The following DAB1 variants were observed in gnomAD, a reference collection of about 807,000 sequenced individuals.
The protein encoded by DAB1 is disabled homolog 1.
DAB1 carries 15 observed loss-of-function variants against 64.6 expected under a neutral mutation model. That is an observed-to-expected ratio of 0.23 (90% CI 0.16 to 0.36). DAB1 has a LOEUF of 0.36. Among genes scored for constraint, DAB1 ranks in the 10% least tolerant of loss-of-function variants. DAB1 has a pLI of 1.00. For synonymous variants in DAB1, 235 were observed against 251.9 expected (o/e 0.93, Z 0.64); for missense variants, 596 against 706.7 (o/e 0.84, Z 1.78).
chr1:58,538,789 T>C (rs1646558548), intron 1 of DAB1: 1 of 759,860 alleles, frequency 1.3e-6, no homozygotes, highest in South Asian at 1.8e-5. Context: ...TAAAAAAGCA[T>C]TTTACCTGCC....
intron 6 of DAB1, among the ~76,000 whole-genome samples, chr1:57,757,383 G>C (rs528938102): frequency 3.3e-5 from 5 of 152,066 alleles, no homozygotes; most frequent in Non-Finnish European, 7.4e-5. Flanking sequence ...GAAAGTTGCT[G>C]TCTTATAGTT....
chr1:57,959,619 C>T (rs115690158), intron 5 of DAB1, among the ~76,000 whole-genome samples: 216 of 152,166 alleles, frequency 1.4e-3, no homozygotes, highest in Non-Finnish European at 2.4e-3. Flanking sequence ...TTTTCTTTTA[C>T]TTTTTTAAAT....
chr1:57,626,395 G>A (rs1355092397), intron 7 of DAB1, among the ~76,000 whole-genome samples: 2 of 152,172 alleles, frequency 1.3e-5, no homozygotes, highest in Non-Finnish European at 2.9e-5. Context: ...ACAGAGGATG[G>A]TTGTGGTAAT....
At chr1:58,444,228 C>T (rs957522719) in intron 3 of DAB1, among the ~76,000 whole-genome samples, 1 of 152,166 alleles carries the variant, frequency 6.6e-6, no homozygotes, top group Admixed American at 6.5e-5. Flanking sequence ...TCATACTATG[C>T]TAGAGAACAA....
At chr1:58,189,460 C>G (rs891853212) in intron 4 of DAB1, among the ~76,000 whole-genome samples, 1 of 152,176 alleles carries the variant, frequency 6.6e-6, no homozygotes, top group Non-Finnish European at 1.5e-5. Context: ...ACAAGTTTCT[C>G]AAAGTACATT....
chr1:57,099,225 G>T (rs1004055633), intron 4 of DAB1, among the ~76,000 whole-genome samples: 1 of 152,210 alleles, frequency 6.6e-6, no homozygotes, highest in Non-Finnish European at 1.5e-5. Flanking sequence ...GTGTTTATAA[G>T]ACAAAATACT....
intron 5 of DAB1, among the ~76,000 whole-genome samples, chr1:58,138,106 A>G (rs1654050132): frequency 6.6e-6 from 1 of 152,216 alleles, no homozygotes; most frequent in Non-Finnish European, 1.5e-5. Flanking sequence ...TTATCCACTC[A>G]CAAGTATTTG....
intron 7 of DAB1, among the ~76,000 whole-genome samples, chr1:57,434,662 C>T (rs1685625180): frequency 6.6e-6 from 1 of 152,166 alleles, no homozygotes; most frequent in African/African-American, 2.4e-5. Flanking sequence ...AGTATACATA[C>T]ACAAACCCAG....
chr1:58,085,470 C>A (rs1650245431), intron 5 of DAB1, among the ~76,000 whole-genome samples: 1 of 152,042 alleles, frequency 6.6e-6, no homozygotes, highest in Non-Finnish European at 1.5e-5. Flanking sequence ...TGGGCTCAAA[C>A]AATCCTCCTG....
At chr1:57,753,359 CT>C (rs1206165269) in intron 6 of DAB1, among the ~76,000 whole-genome samples, 4 of 152,150 alleles carry the variant, frequency 2.6e-5, no homozygotes, top group Admixed American at 6.5e-5. Flanking sequence ...CTGTAGACTT[CT>C]GGCAGTGAGC....
chr1:57,990,613 A>T (rs1477280528), intron 5 of DAB1, among the ~76,000 whole-genome samples: 2 of 152,168 alleles, frequency 1.3e-5, no homozygotes, highest in Non-Finnish European at 2.9e-5. Context: ...TTCTGTCCAC[A>T]AGGCCTGTTG....
At chr1:57,996,694 C>A (rs1285451674) in intron 5 of DAB1, among the ~76,000 whole-genome samples, 1 of 152,184 alleles carries the variant, frequency 6.6e-6, no homozygotes, top group Non-Finnish European at 1.5e-5. Context: ...TCTAGCTCTG[C>A]ATAGATGTCA....
At chr1:58,008,494 A>G (rs550517986) in intron 5 of DAB1, among the ~76,000 whole-genome samples, 41 of 152,244 alleles carry the variant, frequency 2.7e-4, no homozygotes, top group African/African-American at 9.6e-4. Flanking sequence ...ATTAACATTA[A>G]AAAGGACATT....
intron 3 of DAB1, among the ~76,000 whole-genome samples, chr1:58,425,542 G>C (rs1409759841): frequency 6.6e-6 from 1 of 152,190 alleles, no homozygotes; most frequent in Non-Finnish European, 1.5e-5. Flanking sequence ...ACAGTAACTA[G>C]AGCCTTTAGG....
intron 2 of DAB1, among the ~76,000 whole-genome samples, chr1:57,195,683 T>A (rs1243406596): frequency 6.6e-6 from 1 of 152,226 alleles, no homozygotes; most frequent in African/African-American, 2.4e-5. Context: ...CCAGCCTTCA[T>A]TAAAGCATCT....
intron 2 of DAB1, among the ~76,000 whole-genome samples, chr1:57,174,501 A>G (rs926780519): frequency 6.6e-6 from 1 of 152,178 alleles, no homozygotes; most frequent in Non-Finnish European, 1.5e-5. Context: ...ACAATAATGT[A>G]TTGATTGGAT....
At chr1:58,287,462 C>G (rs1378331374) in intron 4 of DAB1, among the ~76,000 whole-genome samples, 1 of 152,140 alleles carries the variant, frequency 6.6e-6, no homozygotes, top group Non-Finnish European at 1.5e-5. Context: ...CCAGAGTCAC[C>G]TGAAGACTAC....
intron 4 of DAB1, among the ~76,000 whole-genome samples, chr1:58,330,174 C>T (rs1181376043): frequency 6.6e-6 from 1 of 152,182 alleles, no homozygotes; most frequent in African/African-American, 2.4e-5. Flanking sequence ...AGTGAGACAG[C>T]TTCAATCCTG....
chr1:57,161,294 A>G (rs992448201), intron 2 of DAB1, among the ~76,000 whole-genome samples: 2 of 152,192 alleles, frequency 1.3e-5, no homozygotes, highest in Non-Finnish European at 2.9e-5. Context: ...AGATTCCAAG[A>G]GGCTAAGCCT....
Sources: allele counts gnomAD v4.1 joint callset (sites outside exome capture counted in the v4.1 genomes callset), GRCh38; gene constraint gnomAD v4.1.1; transcripts MANE v1.5; gene names NCBI Gene and HGNC (gene_info 2026-07-23, HGNC 2026-07-21).